Variants in CDH9 observed in about 807,000 individuals in gnomAD.
The protein encoded by CDH9 is cadherin 9.
Under a neutral mutation model 70.9 loss-of-function variants are expected in CDH9, and 28 were observed. The ratio of observed to expected loss-of-function variants is 0.40; its 90% confidence interval spans 0.29 to 0.54. CDH9 has a LOEUF of 0.54. Ranked by LOEUF, CDH9 falls within the 20% of genes least tolerant of loss-of-function variation. The pLI, the probability that CDH9 is intolerant of heterozygous loss-of-function variation, is 0.59. For synonymous variants in CDH9, 409 were observed against 343.1 expected, an observed-to-expected ratio of 1.19 and a Z score of -2.12; for missense variants, 874 against 984.4, an observed-to-expected ratio of 0.89 and a Z score of 1.50.
intron 2 of CDH9, among the ~76,000 whole-genome samples, chr5:26,934,463 C>CA (rs1741524383): frequency 1.3e-5 from 2 of 151,808 alleles, no homozygotes; most frequent in South Asian, 4.1e-4. Context: ...AGACCCATCT[C>CA]AAAAAACAAA....
At chr5:26,930,463 G>A (rs1047523615) in intron 2 of CDH9, among the ~76,000 whole-genome samples, 1 of 152,000 alleles carries the variant, frequency 6.6e-6, no homozygotes, top group Non-Finnish European at 1.5e-5. Flanking sequence ...ATATATTTGG[G>A]TTTCACATCC....
chr5:26,952,232 G>GGGATC (rs1741858613), intron 2 of CDH9, among the ~76,000 whole-genome samples: 1 of 149,486 alleles, frequency 6.7e-6, no homozygotes, highest in African/African-American at 2.4e-5. Flanking sequence ...CTAAAGTGCT[G>GGGATC]GGATCACAGG....
intron 2 of CDH9, among the ~76,000 whole-genome samples, chr5:26,956,724 T>A (rs1375647348): frequency 6.6e-6 from 1 of 152,182 alleles, no homozygotes; most frequent in East Asian, 1.9e-4. Context: ...AGCACCTTGA[T>A]ACTGGATTTC....
chr5:26,975,706 G>A (rs1327710927), intron 2 of CDH9, among the ~76,000 whole-genome samples: 2 of 152,218 alleles, frequency 1.3e-5, no homozygotes, highest in Middle Eastern at 3.4e-3. Context: ...TATACAGATA[G>A]ACAAAAATTT....
At chr5:26,982,727 C>T (rs112320756) in intron 2 of CDH9, among the ~76,000 whole-genome samples, 2,535 of 151,988 alleles carry the variant, frequency 0.017, 41 homozygotes, top group Non-Finnish European at 0.024. Flanking sequence ...CTTGCTCCAT[C>T]GCCCAGGCTC....
intron 1 of CDH9, among the ~76,000 whole-genome samples, chr5:26,991,995 A>G (rs1299963706): frequency 1.3e-5 from 2 of 152,218 alleles, no homozygotes; most frequent in African/African-American, 4.8e-5. Flanking sequence ...TATACATTAC[A>G]TATAGATATG....
chr5:26,892,799 C>T (rs1254125335), intron 7 of CDH9, among the ~76,000 whole-genome samples: 1 of 152,086 alleles, frequency 6.6e-6, no homozygotes, highest in Admixed American at 6.6e-5. Context: ...GGCGCGATCT[C>T]GGCTCACTGC....
intron 1 of CDH9, among the ~76,000 whole-genome samples, chr5:27,025,174 G>C (rs1196879378): frequency 6.6e-6 from 1 of 151,672 alleles, no homozygotes; most frequent in Non-Finnish European, 1.5e-5. Context: ...GTGTTATTTG[G>C]GGAAAGAATA....
chr5:26,989,534 CTT>C lies in CDH9; in HGVS notation c.-49-1154_-49-1153del, dbSNP rs1263298872. ...TCTCTCTCTCTCTCTCTCTCTCTCT[CTT>C]TCTCTCTCTTTCATTTTCTCTTTCA... On this transcript the variant is annotated intron_variant, in intron 1 of 11. Coordinates refer to ENST00000231021, the MANE Select transcript of CDH9 (RefSeq NM_016279.4). 9.3e-5 allele frequency among the ~76,000 whole-genome samples: 14 copies of C among 150,546 alleles called. No individual in the cohort carries two copies. The East Asian group carries it at 1.7e-3, about 19-fold the overall frequency.
chr5:26,975,082 T>C (rs1413041309), intron 2 of CDH9, among the ~76,000 whole-genome samples: 1 of 152,162 alleles, frequency 6.6e-6, no homozygotes, highest in Non-Finnish European at 1.5e-5. Context: ...CTTTGACATC[T>C]GCCCTCACTT....
At chr5:26,997,965 T>C (rs1217346759) in intron 1 of CDH9, among the ~76,000 whole-genome samples, 1 of 152,222 alleles carries the variant, frequency 6.6e-6, no homozygotes, top group African/African-American at 2.4e-5. Context: ...CCCAAAGTGC[T>C]GGGATTACAA....
chr5:26,892,689 G>A (rs987459928), intron 7 of CDH9, among the ~76,000 whole-genome samples: 2 of 151,484 alleles, frequency 1.3e-5, no homozygotes, highest in African/African-American at 4.8e-5. Flanking sequence ...TTTAGGTTTT[G>A]AAACATTATG....
intron 2 of CDH9, among the ~76,000 whole-genome samples, chr5:26,984,175 A>G (rs1742451312): frequency 6.6e-6 from 1 of 152,128 alleles, no homozygotes; most frequent in South Asian, 2.1e-4. Flanking sequence ...AAAGTTTCTA[A>G]ATTAAAATTA....
In CDH9 at chr5:26,885,796, G is replaced by A. The variant is rs1039281244; in HGVS notation, c.1700C>T (p.Pro567Leu). 15 of 1,613,562 alleles carry A rather than the reference G, an allele frequency of 9.3e-6. No homozygotes were observed. Among genetic ancestry groups the A allele is most frequent in the Non-Finnish European group, 1.3e-5 (15 of 1,179,784 alleles). Residue 567 changes from proline to leucine, a missense_variant, in exon 11 of 12, where the codon CCG becomes CTG. Transcript: ENST00000231021. ...ATAATCGTTGTCAAAGATTAAAATC[G>A]GCAATAAGTAGGTGCTCATTTTGTT... ...SRNKMSTYLL[P>L]ILIFDNDYPI...
intron 2 of CDH9, among the ~76,000 whole-genome samples, chr5:26,931,396 G>A (rs563961733): frequency 6.6e-6 from 1 of 152,100 alleles, no homozygotes; most frequent in Non-Finnish European, 1.5e-5. Flanking sequence ...AACTGTGCAT[G>A]AACAGTATGC....
At chr5:26,883,037 C>A (rs1740492743) in intron 11 of CDH9, among the ~76,000 whole-genome samples, 1 of 79,000 alleles carries the variant, frequency 1.3e-5, no homozygotes, top group Admixed American at 2.0e-4. Flanking sequence ...TATTCAGGAT[C>A]ATCTTATATA....
At chr5:26,975,167 C>A (rs778968401) in intron 2 of CDH9, among the ~76,000 whole-genome samples, 7 of 152,116 alleles carry the variant, frequency 4.6e-5, no homozygotes, top group Non-Finnish European at 1.0e-4. Flanking sequence ...GATTTCACAG[C>A]CACTTGAGAC....
At chr5:26,988,588 C>A (rs1194549918) in intron 1 of CDH9, among the ~76,000 whole-genome samples, 1 of 151,814 alleles carries the variant, frequency 6.6e-6, no homozygotes, top group Non-Finnish European at 1.5e-5. Flanking sequence ...GTAGACTAAA[C>A]AGGAATTTAG....
chr5:27,026,158 G>T (rs1385771459), intron 1 of CDH9, among the ~76,000 whole-genome samples: 1 of 151,798 alleles, frequency 6.6e-6, no homozygotes, highest in Non-Finnish European at 1.5e-5. Flanking sequence ...ATTTAATCAA[G>T]CAAGAAAAAA....
Sources: allele counts gnomAD v4.1 joint callset (sites outside exome capture counted in the v4.1 genomes callset), GRCh38; gene constraint gnomAD v4.1.1; transcripts MANE v1.5; gene names NCBI Gene and HGNC (gene_info 2026-07-23, HGNC 2026-07-21).